Variants in ITIH6 observed in about 807,000 individuals in gnomAD.
The protein encoded by ITIH6 is inter-alpha-trypsin inhibitor heavy chain family member 6, also known as inter-alpha-trypsin inhibitor heavy chain H6.
A neutral mutation model predicts 58.2 loss-of-function variants in ITIH6; 60 were observed. The ratio of observed to expected loss-of-function variants is 1.03; its 90% CI spans 0.84 to 1.28. The LOEUF is 1.28. Ranked by LOEUF, ITIH6 falls within the 50% of genes most tolerant of loss-of-function variation. ITIH6 has a pLI of 0.00. For missense variants in ITIH6, 1,290 were observed against 1,021.1 expected (o/e 1.26, Z -3.59); for synonymous variants, 493 against 417.4 (o/e 1.18, Z -2.21).
intron 5 of ITIH6, among the ~76,000 whole-genome samples, chrX:54,780,728 G>T (rs1929132553): frequency 1.9e-5 from 2 of 106,363 alleles, no homozygotes; most frequent in Admixed American, 1.0e-4. Context: ...AACAAAAAGA[G>T]TTTTTTTTTT....
At position 54,750,103 on chromosome X, in the gene ITIH6, T is replaced by G; in HGVS notation, c.3734A>C (p.Gln1245Pro). Residue 1245 changes from glutamine to proline, a missense_variant, in exon 13 of 13, where the codon CAG (glutamine) becomes CCG (proline). Gln to Pro is a moderately conservative substitution (Grantham distance 76). Coordinates refer to ENST00000218436, the MANE Select transcript of ITIH6 (RefSeq NM_198510.3). ...CAGTCGGATGTCTGCGTGCTGGAAC[T>G]GCCCTGAGGGAGAGAGATGCAGTGC... is the stretch of plus-strand genomic sequence containing the variant. ...LSPSARGLIG[Q>P]FQHADIRLVT... 1 of 1,200,495 alleles carries G rather than the reference T, an allele frequency of 8.3e-7. No individual in the cohort carries two copies. Among genetic ancestry groups the G allele is most frequent in the Non-Finnish European group, 1.1e-6 (1 of 888,278 alleles).
rs1297613118 is a variant in ITIH6, at chrX:54,759,870, T to C, written c.961A>G (p.Ile321Val). Residue 321 changes from isoleucine (I) to valine (V), a missense_variant, in exon 7 of 13, where the codon ATC becomes GTC. By Grantham distance (29) the Ile-to-Val change is conservative. Coordinates refer to ENST00000218436, the MANE Select transcript of ITIH6 (RefSeq NM_198510.3). ...TTAACTGTGTCAGAAAAGGAGATGA[T>C]GTTGAAGTAGTCATTGGCTTGAAGG... ...SDLQANDYFNIISFSDTVNVW... is the reference protein window; with the variant it reads ...SDLQANDYFNVISFSDTVNVW... 5.0e-6 allele frequency: 6 copies of C among 1,208,406 alleles called. No individual in the cohort carries two copies. The highest frequency in any genetic ancestry group is 1.8e-5 in the South Asian group (1 of 56,718).
In ITIH6 at chrX:54,757,263, A is replaced by AG; in HGVS notation, c.2810dup (p.Gly938TrpfsTer8). On this transcript the variant is annotated frameshift_variant, in exon 8 of 13. Coordinates refer to ENST00000218436, the MANE Select transcript of ITIH6 (RefSeq NM_198510.3). LOFTEE classifies it high-confidence loss of function. Reference sequence around the variant, plus strand: ...GGTCATACTGATGCCAGAACCTTCCAGGGGGCAGAGTGGGAGTAAAGGGCA... The same window carrying AG: ...GGTCATACTGATGCCAGAACCTTCCAGGGGGGCAGAGTGGGAGTAAAGGGCA... The AG allele has an allele frequency of 1.7e-6, 2 of 1,191,867 alleles. No homozygotes were observed. Among genetic ancestry groups the AG allele is most frequent in the Admixed American group, 2.3e-5 (1 of 44,364 alleles).
intron 6 of ITIH6, among the ~76,000 whole-genome samples, chrX:54,766,022 G>A (rs758546280): frequency 3.6e-5 from 4 of 111,241 alleles, no homozygotes; most frequent in Admixed American, 9.5e-5. Flanking sequence ...TCCTACCCAT[G>A]AGCATGGAAT....
chrX:54,791,190 C>T (rs1929342950), intron 3 of ITIH6, 106 bp from the exon 4 acceptor site: 3 of 796,422 alleles, frequency 3.8e-6, no homozygotes, highest in Non-Finnish European at 5.4e-6. Flanking sequence ...TCCCAGCCGA[C>T]CTGACTAGGC....
intron 7 of ITIH6, 62 bp downstream of exon 7, chrX:54,759,694 G>A: frequency 1.0e-6 from 1 of 969,155 alleles, no homozygotes. Context: ...TGAAGAGAGG[G>A]TTTCAGGAAT....
rs767229194 is a variant in ITIH6 at position 54,791,135 on chromosome X, TAC to T, written c.369-53_369-52del. On this transcript the variant is annotated intron_variant, in intron 3 of 12. Coordinates refer to ENST00000218436, the MANE Select transcript of ITIH6 (RefSeq NM_198510.3). Reference sequence around the variant, plus strand: ...GAAGAGAAAGGGACCTTCAGAGGAGTACAGGGGCTGTTAGATGACCTAGTTTT... The same window carrying T: ...GAAGAGAAAGGGACCTTCAGAGGAGTAGGGGCTGTTAGATGACCTAGTTTT... 2.6e-6 allele frequency: 3 copies of T among 1,168,824 alleles called. No homozygotes were observed. The South Asian group carries it at 5.7e-5, about 22-fold the overall frequency.
chrX:54,787,352 A>AG lies in ITIH6; in HGVS notation c.786+1127_786+1128insC, dbSNP rs760558226. The AG allele has an allele frequency of 1.4e-3, 153 of 111,767 alleles. 2 individuals carry two copies. Among genetic ancestry groups the AG allele is most frequent in the African/African-American group, 4.4e-3 (136 of 30,709 alleles). 9.2% of individuals were successfully genotyped at this position (111,767 alleles called of 1,213,427 possible). A position where few individuals can be genotyped will look rare whatever the true frequency, so the allele number is the denominator to read the frequency against. Reference sequence around the variant, plus strand: ...CAATTCATTTTTCCCATGCTTACTTAAATTCCAACTCCTTTAGGATGACGG... The same window carrying AG: ...CAATTCATTTTTCCCATGCTTACTTAGAATTCCAACTCCTTTAGGATGACGG... On this transcript the variant is annotated intron_variant, in intron 5 of 12. Transcript: ENST00000218436.
chrX:54,786,443 A>G (rs1471131897), intron 5 of ITIH6, among the ~76,000 whole-genome samples: 1 of 111,416 alleles, frequency 9.0e-6, no homozygotes, highest in Non-Finnish European at 1.9e-5. Flanking sequence ...GACAAATCCC[A>G]TGTTCCTTTC....
chrX:54,795,591 T>G (rs143922323), intron 2 of ITIH6, among the ~76,000 whole-genome samples: 334 of 111,876 alleles, frequency 3.0e-3, no homozygotes, highest in African/African-American at 0.01. Flanking sequence ...GACAGTACAG[T>G]GACACAGAAG....
In ITIH6 at chrX:54,774,098, C is replaced by A. The variant is rs764821940; in HGVS notation, c.886G>T (p.Gly296Cys). 8.4e-5 allele frequency: 98 copies of A among 1,170,801 alleles called. No individual in the cohort carries two copies. The South Asian group carries it at 1.7e-3, about 20-fold the overall frequency. The change falls in exon 6 of 13, where the codon GGT (glycine) becomes TGT (cysteine). Residue 296 changes from glycine (G) to cysteine (C), a missense_variant. Coordinates refer to ENST00000218436, the MANE Select transcript of ITIH6 (RefSeq NM_198510.3). Reference sequence around the variant, plus strand: ...CTTGTTACCTGTTCCATCTTGGTACCAAACATGGAGCTGCTTACGTCAATA... The same window carrying A: ...CTTGTTACCTGTTCCATCTTGGTACAAAACATGGAGCTGCTTACGTCAATA... ...FVIDVSSSMF[G>C]TKMEQTKTAM... is the part of the protein sequence containing the mutation.
At chrX:54,773,979 GA>G in intron 6 of ITIH6, 101 bp downstream of exon 6, 1 of 459,795 alleles carries the variant, frequency 2.2e-6, no homozygotes, top group Non-Finnish European at 3.7e-6. Flanking sequence ...AGGGTCATGG[GA>G]TGGTGGAATC....
chrX:54,780,956 A>AT (rs1402730497), intron 5 of ITIH6, among the ~76,000 whole-genome samples: 1 of 111,327 alleles, frequency 9.0e-6, no homozygotes, highest in African/African-American at 3.3e-5. Flanking sequence ...CAACTATCTG[A>AT]TTTTCAACAA....
Position 54,757,969 on chromosome X carries a change from T to C in ITIH6, c.2105A>G (p.Tyr702Cys), listed in dbSNP as rs1421794316. ...TTGTGCTGGAATTTTGGCCTTTGGGTATGTGGGCATTGACAGGGTATGAGG... is the reference window on the plus strand; with the variant it reads ...TTGTGCTGGAATTTTGGCCTTTGGGCATGTGGGCATTGACAGGGTATGAGG... Reference protein sequence around the residue: ...ESPHTLSMPTYPKAKIPAQQD... With the variant: ...ESPHTLSMPTCPKAKIPAQQD... Residue 702 changes from tyrosine (Y) to cysteine (C), a missense_variant, in exon 8 of 13, where the codon TAC becomes TGC. By Grantham distance (194) the Tyr-to-Cys change is radical. Coordinates refer to ENST00000218436, the MANE Select transcript of ITIH6 (RefSeq NM_198510.3). 8.3e-7 allele frequency: 1 copy of C among 1,211,653 alleles called. No homozygotes were observed. Among genetic ancestry groups the C allele is most frequent in the South Asian group, 1.8e-5 (1 of 56,968 alleles).
rs1167654859 is a variant in ITIH6 at position 54,792,024 on chromosome X, A to G, written c.270T>C (p.Asn90=). Residue 90 remains asparagine, a synonymous_variant, in exon 3 of 13, where the codon AAT becomes AAC. Transcript: ENST00000218436. ...CTTTGACTTCTGCAATGTAGACTTTATTGTTGATGGTCCTAATGGGGCAGG... is the reference window on the plus strand; with the variant it reads ...CTTTGACTTCTGCAATGTAGACTTTGTTGTTGATGGTCCTAATGGGGCAGG... ...FISNFTMTIN[N]KVYIAEVKEK... 1 of 1,199,140 alleles carries G rather than the reference A, an allele frequency of 8.3e-7. No individual in the cohort carries two copies. Among genetic ancestry groups the G allele is most frequent in the Non-Finnish European group, 1.1e-6 (1 of 884,321 alleles).
At chrX:54,784,089 G>T (rs960753649) in intron 5 of ITIH6, among the ~76,000 whole-genome samples, 5 of 111,795 alleles carry the variant, frequency 4.5e-5, no homozygotes, top group African/African-American at 1.6e-4. Context: ...ATTGGGGAAA[G>T]AACAGTCGCC....
At chrX:54,753,989 T>A in intron 9 of ITIH6, 24 bp from the exon 10 acceptor site, 2 of 1,198,051 alleles carry the variant, frequency 1.7e-6, no homozygotes, top group Non-Finnish European at 2.3e-6. Context: ...AGAGACTGTG[T>A]TGGGAAGGGA....
intron 2 of ITIH6, among the ~76,000 whole-genome samples, chrX:54,795,999 A>C (rs1929434747): frequency 9.0e-6 from 1 of 111,388 alleles, no homozygotes; most frequent in Admixed American, 9.5e-5. Context: ...TGAGTAGCTG[A>C]GACTATAGGC....
intron 2 of ITIH6, 143 bp downstream of exon 2, chrX:54,796,799 C>G (rs905579815): frequency 5.7e-6 from 3 of 529,597 alleles, no homozygotes; most frequent in Non-Finnish European, 8.7e-6. Flanking sequence ...GGGTCCCAAA[C>G]TGGCAGAGCC....
Sources: gnomAD v4.1 joint callset for allele counts (sites outside exome capture counted in the v4.1 genomes callset) on GRCh38, gnomAD v4.1.1 for gene constraint, MANE v1.5 for transcripts, NCBI Gene and HGNC (gene_info 2026-07-23, HGNC 2026-07-21) for gene names.